ROCK2: variants seen among roughly 807,000 people sequenced by gnomAD.
ROCK2 encodes the protein Rho associated coiled-coil containing protein kinase 2, also known as rho-associated protein kinase 2.
ROCK2 carries 61 observed loss-of-function variants against 195.1 expected under a neutral mutation model. The observed-to-expected ratio is 0.31, with a 90% CI of 0.25 to 0.39. The LOEUF (loss-of-function observed/expected upper bound fraction) is 0.39. Ranked by LOEUF, ROCK2 falls within the 10% of genes least tolerant of loss-of-function variation. The pLI is 1.00. For missense variants in ROCK2, 1,109 were observed against 1,637.4 expected (o/e 0.68, Z 5.57); for synonymous variants, 504 against 545.5 (o/e 0.92, Z 1.06).
intron 8 of ROCK2, 123 bp from the exon 9 acceptor site, chr2:11,221,480 C>T (rs924890478): frequency 3.3e-6 from 2 of 614,602 alleles, no homozygotes; most frequent in African/African-American, 3.9e-5. Flanking sequence ...GCGCATTTGC[C>T]ATTTTATCGA....
At position 11,334,510 on chromosome 2, in the gene ROCK2, CAAAAAA is replaced by C. The variant is rs34182610; in HGVS notation, c.141+9480_141+9485del. 1.8e-4 allele frequency among the ~76,000 whole-genome samples: 16 copies of C among 89,674 alleles called. No homozygotes were observed. The South Asian group carries it at 3.2e-3, about 18-fold the overall frequency. 58.8% of individuals were successfully genotyped at this position (89,674 alleles called of 152,430 possible). A position where few individuals can be genotyped will look rare whatever the true frequency, so the allele number is the denominator to read the frequency against. The stretch of plus-strand genomic sequence containing the variant: ...TGGGCGACAGAGAGAGACTCTGTCT[CAAAAAA>C]AAAAAAAAAAAAAAAAATTGTTAGT... On this transcript the variant is annotated intron_variant, in intron 1 of 32. Transcript: ENST00000315872.
chr2:11,221,692 T>C (rs539549130), intron 8 of ROCK2, among the ~76,000 whole-genome samples: 42 of 152,294 alleles, frequency 2.8e-4, no homozygotes, highest in Middle Eastern at 6.8e-3. Context: ...CATATATACA[T>C]AGTAAAAATA....
chr2:11,308,062 G>T (rs901154159), intron 1 of ROCK2: 2 of 1,604,872 alleles, frequency 1.2e-6, no homozygotes, highest in African/African-American at 2.7e-5. Context: ...CAGCGCTGGG[G>T]CGCCAGTTTT....
chr2:11,206,371 TTAAC>T (rs927474774), intron 20 of ROCK2, among the ~76,000 whole-genome samples: 14 of 152,204 alleles, frequency 9.2e-5, no homozygotes, highest in African/African-American at 3.1e-4. Context: ...ACCTAGATGA[TTAAC>T]TAGCTCTTAC....
chr2:11,214,825 C>A lies in ROCK2; in HGVS notation c.1936+15G>T. 1 of 1,584,364 alleles carries A rather than the reference C, an allele frequency of 6.3e-7. No individual in the cohort carries two copies. Reference sequence around the variant, plus strand: ...ATCATCAAAATTAATTCAAGTGCAACCACGACTTCAATACCTTGTAAATCA... The same window carrying A: ...ATCATCAAAATTAATTCAAGTGCAAACACGACTTCAATACCTTGTAAATCA... On this transcript the variant is annotated intron_variant, in intron 16 of 32. Transcript: ENST00000315872.
intron 3 of ROCK2, among the ~76,000 whole-genome samples, chr2:11,275,123 G>A (rs972656424): frequency 1.1e-4 from 17 of 152,038 alleles, no homozygotes; most frequent in African/African-American, 9.7e-5. Context: ...CAGGCGTGGC[G>A]GCAGGCACCT....
chr2:11,291,263 T>C (rs923107249), intron 1 of ROCK2, among the ~76,000 whole-genome samples: 1 of 152,230 alleles, frequency 6.6e-6, no homozygotes, highest in Non-Finnish European at 1.5e-5. Flanking sequence ...TATCTTATTG[T>C]TGTTGGCCAG....
At chr2:11,228,530 G>C (rs1278778075) in intron 5 of ROCK2, among the ~76,000 whole-genome samples, 2 of 152,100 alleles carry the variant, frequency 1.3e-5, no homozygotes, top group East Asian at 3.8e-4. Flanking sequence ...GTAACACTTT[G>C]TGTGGATTAT....
intron 1 of ROCK2, among the ~76,000 whole-genome samples, chr2:11,289,053 CAGAA>C (rs1667284935): frequency 6.6e-6 from 1 of 152,008 alleles, no homozygotes; most frequent in African/African-American, 2.4e-5. Context: ...TATTTAATAA[CAGAA>C]AGGGGCAAAG....
At chr2:11,294,074 G>A (rs1372003769) in intron 1 of ROCK2, among the ~76,000 whole-genome samples, 6 of 151,758 alleles carry the variant, frequency 4.0e-5, no homozygotes, top group South Asian at 2.1e-4. Context: ...GGAGAATGGC[G>A]TGAACCCGGG....
chr2:11,275,665 G>C (rs1384192197), intron 3 of ROCK2, among the ~76,000 whole-genome samples: 1 of 150,724 alleles, frequency 6.6e-6, no homozygotes, highest in Non-Finnish European at 1.5e-5. Flanking sequence ...TCAATTGAGG[G>C]AGAAAACACA....
In ROCK2 at chr2:11,192,760, T is replaced by C; in HGVS notation, c.3688-48A>G. 1 of 1,553,194 alleles carries C rather than the reference T, an allele frequency of 6.4e-7. No homozygotes were observed. The highest frequency in any genetic ancestry group is 8.7e-7 in the Non-Finnish European group (1 of 1,150,604). On this transcript the variant is annotated intron_variant, in intron 30 of 32. Transcript: ENST00000315872. This position sits in a 1 kb window ranked among gnomAD's most constrained non-coding sequence, Gnocchi z 5.0. ...AAGTGATTTCCAAACATGCTATTTT[T>C]TTATGTAGGAACAATTCTGATAGTG...
At chr2:11,296,052 A>AGAGAGAGAGAGAGAGAGAGAGAG (rs1558370127) in intron 1 of ROCK2, among the ~76,000 whole-genome samples, 1 of 47,890 alleles carries the variant, frequency 2.1e-5, no homozygotes, top group Non-Finnish European at 4.2e-5. Flanking sequence ...GAGAGAGAGA[A>AGAGAGAGAGAGAGAGAGAGAGAG]AACAAAGGGT....
intron 3 of ROCK2, among the ~76,000 whole-genome samples, chr2:11,265,560 C>A (rs1379563341): frequency 6.6e-6 from 1 of 152,070 alleles, no homozygotes; most frequent in Non-Finnish European, 1.5e-5. Flanking sequence ...GTCTGTAAAT[C>A]ACCAAGCAGT....
chr2:11,250,875 A>C (rs1275689503), intron 3 of ROCK2, among the ~76,000 whole-genome samples: 2 of 152,136 alleles, frequency 1.3e-5, no homozygotes, highest in African/African-American at 4.8e-5. Context: ...TCCTTCTAGA[A>C]TATAAACCAT....
chr2:11,257,669 C>T (rs1476371904), intron 3 of ROCK2, among the ~76,000 whole-genome samples: 1 of 151,246 alleles, frequency 6.6e-6, no homozygotes, highest in Non-Finnish European at 1.5e-5. Flanking sequence ...ACTGGTGACT[C>T]GAATCATTAG....
intron 3 of ROCK2, among the ~76,000 whole-genome samples, chr2:11,276,737 C>T (rs1386433782): frequency 2.0e-5 from 3 of 152,112 alleles, no homozygotes; most frequent in Non-Finnish European, 2.9e-5. Flanking sequence ...AAAATAATAA[C>T]AGCAACAATA....
At chr2:11,217,571 T>C (rs1182381486) in intron 11 of ROCK2, among the ~76,000 whole-genome samples, 1 of 152,212 alleles carries the variant, frequency 6.6e-6, no homozygotes, top group Non-Finnish European at 1.5e-5. Flanking sequence ...CTAAAACAAA[T>C]ATTCAGAGTA....
intron 1 of ROCK2, among the ~76,000 whole-genome samples, chr2:11,325,329 C>A (rs548959861): frequency 2.0e-4 from 31 of 152,288 alleles, no homozygotes; most frequent in African/African-American, 7.2e-4. Flanking sequence ...TGGAACCAAT[C>A]CCCCTTGGAT....
Sources: allele counts gnomAD v4.1 joint callset (sites outside exome capture counted in the v4.1 genomes callset), GRCh38; gene constraint gnomAD v4.1.1; non-coding constraint Gnocchi (gnomAD v3.1); transcripts MANE v1.5; gene names NCBI Gene and HGNC (gene_info 2026-07-23, HGNC 2026-07-21).